RAP1GAP: variants seen among roughly 807,000 people sequenced by gnomAD.
RAP1GAP encodes the protein RAP1 GTPase activating protein.
Under a neutral mutation model 87.2 loss-of-function variants are expected in RAP1GAP, and 35 were observed. That is an observed-to-expected ratio of 0.40 (90% CI 0.31 to 0.53). The LOEUF is 0.53. Ranked by LOEUF, RAP1GAP falls within the 20% of genes least tolerant of loss-of-function variation. The pLI is 0.48. For missense variants in RAP1GAP, 734 were observed against 898.9 expected (o/e 0.82, Z 2.35); for synonymous variants, 375 against 363.9 (o/e 1.03, Z -0.35).
At chr1:21,663,093 G>T (rs557271179) in intron 1 of RAP1GAP, among the ~76,000 whole-genome samples, 1 of 152,188 alleles carries the variant, frequency 6.6e-6, no homozygotes, top group Non-Finnish European at 1.5e-5. Flanking sequence ...TCTGCCCTTC[G>T]GAGGACTACA....
chr1:21,605,852 G>C (rs180802002), intron 18 of RAP1GAP, among the ~76,000 whole-genome samples: 16 of 152,352 alleles, frequency 1.1e-4, no homozygotes, highest in African/African-American at 3.6e-4. Flanking sequence ...TTGGGAAGGG[G>C]CTGCAGGCTG....
chr1:21,653,590 T>TCCTTCCTTCCTTCCTTCCTTCCTTCCTC (rs1255188805), intron 1 of RAP1GAP, among the ~76,000 whole-genome samples: 1 of 93,004 alleles, frequency 1.1e-5, no homozygotes, highest in Admixed American at 9.7e-5. Context: ...CTTCCTTCCT[T>TCCTTCCTTCCTTCCTTCCTTCCTTCCTC]CCTCCCTCCC....
intron 2 of RAP1GAP, among the ~76,000 whole-genome samples, chr1:21,641,747 T>G (rs965364464): frequency 5.9e-5 from 9 of 152,186 alleles, no homozygotes; most frequent in African/African-American, 2.2e-4. Flanking sequence ...TCTAGCCCAA[T>G]GTCACACAGC....
At chr1:21,619,408 A>T (rs2149790964) in intron 4 of RAP1GAP, among the ~76,000 whole-genome samples, 3 of 151,136 alleles carry the variant, frequency 2.0e-5, no homozygotes, top group Admixed American at 2.0e-4. Flanking sequence ...GTTGAGGGAG[A>T]GAGGGGGAGG....
intron 18 of RAP1GAP, among the ~76,000 whole-genome samples, chr1:21,605,519 T>G (rs932040136): frequency 2.0e-5 from 3 of 151,006 alleles, no homozygotes; most frequent in African/African-American, 7.3e-5. Flanking sequence ...GCTCACAGAG[T>G]TGATGCCCAC....
intron 20 of RAP1GAP, among the ~76,000 whole-genome samples, chr1:21,600,994 T>A (rs2067901239): frequency 6.7e-6 from 1 of 148,668 alleles, no homozygotes; most frequent in Non-Finnish European, 1.5e-5. Context: ...TGTCACAATG[T>A]CTGTCCAGGC....
At position 21,604,229 on chromosome 1, in the gene RAP1GAP, G is replaced by A. The variant is rs116290730; in HGVS notation, c.1429-1316C>T. Among the ~76,000 whole-genome samples, 903 of 152,030 alleles carry A rather than the reference G, an allele frequency of 5.9e-3. 6 individuals are homozygous for A. The highest frequency in any genetic ancestry group is 0.02 in the African/African-American group (809 of 41,456). On this transcript the variant is annotated intron_variant, in intron 18 of 24. Transcript: ENST00000374765. ...GAGGGAAATCCAGAGAGACAGGGAC[G>A]CAAGGACACAGACACAGGCCCAGGG... is the stretch of plus-strand genomic sequence containing the variant.
At chr1:21,627,080 C>T (rs565588704) in intron 2 of RAP1GAP, 7 of 442,136 alleles carry the variant, frequency 1.6e-5, no homozygotes, top group Middle Eastern at 3.5e-4. Context: ...GCAGGTCTGG[C>T]GAGGGTGAAG....
intron 20 of RAP1GAP, among the ~76,000 whole-genome samples, chr1:21,601,425 G>A (rs993479846): frequency 2.6e-5 from 4 of 152,234 alleles, no homozygotes; most frequent in African/African-American, 9.6e-5. Context: ...ATGAGGCCGC[G>A]TTCTGATGGA....
chr1:21,626,505 CGGA>C (rs2092123298), intron 2 of RAP1GAP, 108 bp from the exon 3 acceptor site: 3 of 894,386 alleles, frequency 3.4e-6, no homozygotes. Flanking sequence ...ATAGACTTCA[CGGA>C]GGAGAGGGTC....
At chr1:21,619,136 C>G in intron 4 of RAP1GAP, 64 bp from the exon 5 acceptor site, 5 of 1,509,590 alleles carry the variant, frequency 3.3e-6, no homozygotes, top group Non-Finnish European at 4.5e-6. Context: ...CCTCCCCTCC[C>G]CAAGGCGTGC....
intron 13 of RAP1GAP, 62 bp downstream of exon 13, chr1:21,611,390 A>T: frequency 1.3e-6 from 2 of 1,559,862 alleles, no homozygotes; most frequent in East Asian, 2.3e-5. Flanking sequence ...TGGAGGCTGA[A>T]CAGACAGGTG....
In RAP1GAP at chr1:21,613,815, G is replaced by C; in HGVS notation, c.396-109C>G. ...AGGGGGTGGACCACAGCGAGGACCA[G>C]AGGTGATGATGGGTGTCAGGCTGAC... is the stretch of plus-strand genomic sequence containing the variant. On this transcript the variant is annotated intron_variant, in intron 8 of 24. Transcript: ENST00000374765. The surrounding 1 kb of genome is among the most constrained non-coding windows in gnomAD (Gnocchi z 4.7). 1 of 1,246,496 alleles carries C rather than the reference G, an allele frequency of 8.0e-7. No individual in the cohort carries two copies. Among genetic ancestry groups the C allele is most frequent in the Non-Finnish European group, 1.2e-6 (1 of 857,752 alleles). 77.2% of individuals were successfully genotyped at this position (1,246,496 alleles called of 1,614,324 possible). A position where few individuals can be genotyped will look rare whatever the true frequency, so the allele number is the denominator to read the frequency against.
chr1:21,597,840 C>T lies in RAP1GAP; in HGVS notation c.1984-112G>A. ...TGTCCAGGCCGGGCAAGCCCCACCC[C>T]TCCTGGCCTAGCGGGGCCTAGGGGG... is the stretch of plus-strand genomic sequence containing the variant. On this transcript the variant is annotated intron_variant, in intron 23 of 24. Coordinates refer to ENST00000374765, the MANE Select transcript of RAP1GAP (RefSeq NM_002885.4). 3.9e-6 allele frequency: 6 copies of T among 1,525,868 alleles called. No homozygotes were observed. In the Middle Eastern group the frequency reaches 8.4e-4, roughly 214 times the overall value. 94.5% of individuals were successfully genotyped at this position (1,525,868 alleles called of 1,614,324 possible).
At chr1:21,620,557 T>C (rs2086349127) in intron 3 of RAP1GAP, among the ~76,000 whole-genome samples, 1 of 151,918 alleles carries the variant, frequency 6.6e-6, no homozygotes, top group Admixed American at 6.6e-5. Flanking sequence ...GCACCTTGCA[T>C]GAGCCACCTG....
At position 21,634,010 on chromosome 1, in the gene RAP1GAP, A is replaced by C. The variant is rs2094272739; in HGVS notation, c.-112-7613T>G. On this transcript the variant is annotated intron_variant, in intron 2 of 24. Transcript: ENST00000374765. This position sits in a 1 kb window ranked among gnomAD's most constrained non-coding sequence, Gnocchi z 4.1. ...TGGGCATCGGGTCTGAGGGGACTCG[A>C]ATCTCCTGAAACCAGAACCAAGTGG... Among the ~76,000 whole-genome samples the C allele has an allele frequency of 1.3e-5, 2 of 151,450 alleles. No individual in the cohort carries two copies. The highest frequency in any genetic ancestry group is 6.6e-5 in the Admixed American group (1 of 15,236).
chr1:21,603,884 C>G lies in RAP1GAP; in HGVS notation c.1429-971G>C. 1 of 1,566,470 alleles carries G rather than the reference C, an allele frequency of 6.4e-7. No individual in the cohort carries two copies. On this transcript the variant is annotated intron_variant, in intron 18 of 24. Transcript: ENST00000374765. The surrounding 1 kb of genome is among the most constrained non-coding windows in gnomAD (Gnocchi z 6.0). ...GGCACTGCCCCGGCGTCCGAATCTA[C>G]TCGCACTTTTCCCAGGAATAAGCAA... is the stretch of plus-strand genomic sequence containing the variant.
chr1:21,608,645 C>T (rs1349288943), intron 16 of RAP1GAP, among the ~76,000 whole-genome samples: 4 of 151,210 alleles, frequency 2.6e-5, no homozygotes, highest in Non-Finnish European at 5.9e-5. Context: ...TCAGCCTAAC[C>T]GCCTCCCAGC....
intron 1 of RAP1GAP, among the ~76,000 whole-genome samples, chr1:21,660,632 C>T (rs1312207812): frequency 6.6e-6 from 1 of 152,068 alleles, no homozygotes; most frequent in African/African-American, 2.4e-5. Flanking sequence ...CTGCACCCAG[C>T]CCCGACTCAG....
Sources: gnomAD v4.1 joint callset for allele counts (sites outside exome capture counted in the v4.1 genomes callset) on GRCh38, gnomAD v4.1.1 for gene constraint, Gnocchi (gnomAD v3.1) non-coding constraint, MANE v1.5 for transcripts, NCBI Gene and HGNC (gene_info 2026-07-23, HGNC 2026-07-21) for gene names.